The following PKD1L1 variants were observed in gnomAD, a reference collection of about 807,000 sequenced individuals.
The protein encoded by PKD1L1 is polycystin 1 like 1, transient receptor potential channel interacting, also known as polycystin-1-like protein 1.
PKD1L1 carries 236 observed loss-of-function variants against 323.4 expected under a neutral mutation model. That is an observed-to-expected ratio of 0.73 (90% CI 0.66 to 0.81). The LOEUF (loss-of-function observed/expected upper bound fraction) is 0.81. PKD1L1 is among the 40% of genes least tolerant of loss of function. The probability of loss-of-function intolerance (pLI) is 0.00; values close to 1 mark genes in which losing one functional copy is unlikely to be tolerated. For missense variants in PKD1L1, 3,320 were observed against 3,508.0 expected (o/e 0.95, Z 1.35); for synonymous variants, 1,344 against 1,335.0 (o/e 1.01, Z -0.15).
At chr7:47,819,930 C>A (rs976237465) in intron 46 of PKD1L1, 2 of 243,624 alleles carry the variant, frequency 8.2e-6, no homozygotes, top group Admixed American at 1.2e-4. Flanking sequence ...TCAAAGGCAA[C>A]AAACACACTG....
rs139040625 is a variant in PKD1L1, at chr7:47,837,729, G to C, written c.5770-635C>G. 9.7e-4 allele frequency among the ~76,000 whole-genome samples: 148 copies of C among 152,276 alleles called. 2 individuals carry two copies. Among genetic ancestry groups the C allele is most frequent in the African/African-American group, 3.5e-3 (144 of 41,562 alleles). ...GCCCACAGTGTCTGGCACACAGTGG[G>C]AGATACGTTGTTTAGGAATTGCACT... is the stretch of plus-strand genomic sequence containing the variant. On this transcript the variant is annotated intron_variant, in intron 36 of 56. Coordinates refer to ENST00000289672, the MANE Select transcript of PKD1L1 (RefSeq NM_138295.5).
rs1468136862 is a variant in PKD1L1, at chr7:47,826,684, C to T, written c.6854+666G>A. On this transcript the variant is annotated intron_variant, in intron 45 of 56. Coordinates refer to ENST00000289672, the MANE Select transcript of PKD1L1 (RefSeq NM_138295.5). ...GATTTTAGCTAGCATTTAGAGAAGGCTCCTTGTGGTGGCTGCCATCCAGCA... is the reference window on the plus strand; with the variant it reads ...GATTTTAGCTAGCATTTAGAGAAGGTTCCTTGTGGTGGCTGCCATCCAGCA... Among the ~76,000 whole-genome samples, 5 of 152,114 alleles carry T rather than the reference C, an allele frequency of 3.3e-5. No homozygotes were observed. The East Asian group carries it at 9.7e-4, about 29-fold the overall frequency.
At chr7:47,860,067 TA>T (rs1184099762) in intron 26 of PKD1L1, among the ~76,000 whole-genome samples, 3 of 152,232 alleles carry the variant, frequency 2.0e-5, no homozygotes, top group African/African-American at 2.4e-5. Flanking sequence ...TACTTAACTT[TA>T]AAAAAATATT....
chr7:47,849,353 C>T (rs1459068745), intron 31 of PKD1L1, among the ~76,000 whole-genome samples: 2 of 152,070 alleles, frequency 1.3e-5, no homozygotes, highest in East Asian at 1.9e-4. Flanking sequence ...TAGATAGGAC[C>T]TAGTTAAACC....
the PKD1L1 span, chr7:47,957,402 G>A: frequency 6.6e-6 from 1 of 152,222 alleles, no homozygotes; most frequent in Non-Finnish European, 1.5e-5. Flanking sequence ...GTTTACAGAT[G>A]ACACGATCAT....
chr7:47,899,213 G>A (rs1159901396), intron 13 of PKD1L1, among the ~76,000 whole-genome samples: 2 of 152,130 alleles, frequency 1.3e-5, no homozygotes, highest in Non-Finnish European at 2.9e-5. Flanking sequence ...CAGGGGCCTG[G>A]GGCACTCTCC....
At chr7:47,877,170 T>C (rs1333444991) in intron 22 of PKD1L1, among the ~76,000 whole-genome samples, 1 of 152,084 alleles carries the variant, frequency 6.6e-6, no homozygotes, top group Non-Finnish European at 1.5e-5. Flanking sequence ...GTCACGTGCC[T>C]GCCTTTTTCT....
rs141198297 is a variant in PKD1L1, at chr7:47,813,254, G to A, written c.7213C>T (p.Pro2405Ser). Residue 2405 changes from proline (P) to serine (S), a missense_variant, in exon 49 of 57, where the codon CCT (proline) becomes TCT (serine). Coordinates refer to ENST00000289672, the MANE Select transcript of PKD1L1 (RefSeq NM_138295.5). ...CCTCCAACTTCGGGACTACATGTAG[G>A]AATAGAGTCTTCGATGAGTGCTGAA... is the stretch of plus-strand genomic sequence containing the variant. ...PFSALIEDSI[P>S]TCSPEVGGPE... is the part of the protein sequence containing the mutation. 86 of 1,614,066 alleles carry A rather than the reference G, an allele frequency of 5.3e-5. No individual in the cohort carries two copies. The highest frequency in any genetic ancestry group is 7.1e-5 in the Non-Finnish European group (84 of 1,180,038).
At chr7:47,894,128 T>C in intron 14 of PKD1L1, 69 bp from the exon 15 acceptor site, 1 of 1,395,104 alleles carries the variant, frequency 7.2e-7, no homozygotes, top group Non-Finnish European at 9.7e-7. Context: ...AGAAACACAC[T>C]AGTCTGAAAA....
chr7:47,898,697 T>C (rs1303157830), intron 13 of PKD1L1, among the ~76,000 whole-genome samples: 1 of 152,112 alleles, frequency 6.6e-6, no homozygotes, highest in Non-Finnish European at 1.5e-5. Flanking sequence ...ATCATGACAT[T>C]TAATCCCTAA....
intron 56 of PKD1L1, among the ~76,000 whole-genome samples, chr7:47,791,731 G>C (rs1438644524): frequency 1.3e-5 from 2 of 152,134 alleles, no homozygotes; most frequent in African/African-American, 4.8e-5. Context: ...GGAAGGGCTG[G>C]GGCAGAGAGC....
Position 47,947,568 on chromosome 7 carries a change from T to C in PKD1L1, c.44+829A>G, listed in dbSNP as rs145446252. Among the ~76,000 whole-genome samples, 553 of 152,358 alleles carry C rather than the reference T, an allele frequency of 3.6e-3. 4 individuals are homozygous for C. Among genetic ancestry groups the C allele is most frequent in the African/African-American group, 0.013 (525 of 41,582 alleles). On this transcript the variant is annotated intron_variant, in intron 1 of 56. Coordinates refer to ENST00000289672, the MANE Select transcript of PKD1L1 (RefSeq NM_138295.5). ...AAAGGGGGCATGGAGGTTTGCACCA[T>C]GTCACACTGCCATGAGACAGTCAAC...
intron 13 of PKD1L1, among the ~76,000 whole-genome samples, chr7:47,899,223 C>T (rs997567526): frequency 6.6e-6 from 1 of 152,210 alleles, no homozygotes; most frequent in Non-Finnish European, 1.5e-5. Flanking sequence ...GGGCACTCTC[C>T]TTGGCCTGGC....
At chr7:47,845,992 G>A (rs1203020959) in intron 32 of PKD1L1, among the ~76,000 whole-genome samples, 2 of 152,196 alleles carry the variant, frequency 1.3e-5, no homozygotes, top group African/African-American at 4.8e-5. Context: ...TAATATGGAA[G>A]CAAAATATTG....
At chr7:47,861,823 G>A (rs900443702) in intron 26 of PKD1L1, among the ~76,000 whole-genome samples, 5 of 138,178 alleles carry the variant, frequency 3.6e-5, no homozygotes. Context: ...AGAGCTTGCA[G>A]TGAGCCAAGC....
rs6960513 is a variant in PKD1L1 at position 47,839,309 on chromosome 7, G to A, written c.5769+137C>T. On this transcript the variant is annotated intron_variant, in intron 36 of 56. Transcript: ENST00000289672. The surrounding 1 kb of genome is among the most constrained non-coding windows in gnomAD (Gnocchi z 4.3). ...ATGTATCATTTAATATTTTGATATC[G>A]TGGTAATTAACTAAGAAAAGAGGAA... The A allele has an allele frequency of 1.4e-5, 9 of 640,296 alleles. No individual in the cohort carries two copies. The highest frequency in any genetic ancestry group is 5.6e-5 in the East Asian group (2 of 35,504). 39.7% of individuals were successfully genotyped at this position (640,296 alleles called of 1,614,324 possible). A position where few individuals can be genotyped will look rare whatever the true frequency, so the allele number is the denominator to read the frequency against.
In PKD1L1 at chr7:47,892,518, C is replaced by T. The variant is rs559716175; in HGVS notation, c.2453+1360G>A. ...GGAGGGTCAAACTGTGAAGTAAAGT[C>T]TTCTGACTGTTTTAAAAGAATCTGT... is the stretch of plus-strand genomic sequence containing the variant. On this transcript the variant is annotated intron_variant, in intron 15 of 56. Transcript: ENST00000289672. Among the ~76,000 whole-genome samples, 7 of 152,144 alleles carry T rather than the reference C, an allele frequency of 4.6e-5. No homozygotes were observed. In the South Asian group the frequency reaches 1.5e-3, roughly 32 times the overall value.
At chr7:47,811,795 C>T (rs1413735875) in intron 50 of PKD1L1, 22 bp downstream of exon 50, 1 of 1,568,546 alleles carries the variant, frequency 6.4e-7, no homozygotes, top group Admixed American at 1.8e-5. Context: ...CTCCAGGAGG[C>T]CCAAGAGGCA....
In PKD1L1 at chr7:47,821,119, C is replaced by T; in HGVS notation, c.6922G>A (p.Asp2308Asn). 6 of 1,609,428 alleles carry T rather than the reference C, an allele frequency of 3.7e-6. No individual in the cohort carries two copies. The highest frequency in any genetic ancestry group is 5.1e-6 in the Non-Finnish European group (6 of 1,175,752). The change falls in exon 46 of 57, where the codon GAT (aspartate) becomes AAT (asparagine). Residue 2308 changes from aspartate (D) to asparagine (N), a missense_variant. Transcript: ENST00000289672. ...ATAGCTTGATTGAGGGAGTATTCAT[C>T]TTGGGAAAATCTCCCATATATTACA... ...LCVIYGRFSQDEYSLNQAIRK... is the reference protein window; with the variant it reads ...LCVIYGRFSQNEYSLNQAIRK...
Sources: allele counts gnomAD v4.1 joint callset (sites outside exome capture counted in the v4.1 genomes callset), GRCh38; gene constraint gnomAD v4.1.1; non-coding constraint Gnocchi (gnomAD v3.1); transcripts MANE v1.5; gene names NCBI Gene and HGNC (gene_info 2026-07-23, HGNC 2026-07-21).